RFFL: variants seen among roughly 807,000 people sequenced by gnomAD.
The protein encoded by RFFL is E3 ubiquitin-protein ligase rififylin.
In RFFL, 16 loss-of-function variants were observed where a neutral mutation model predicts 40.4. That is an observed-to-expected ratio of 0.40 (90% CI 0.27 to 0.60). The LOEUF (loss-of-function observed/expected upper bound fraction) is 0.60, where lower values mean the gene tolerates loss of function less well. Among genes scored for constraint, RFFL ranks in the 20% least tolerant of loss-of-function variants. RFFL has a pLI of 0.47. For synonymous variants in RFFL, 154 were observed against 167.9 expected (o/e 0.92, Z 0.64); for missense variants, 367 against 451.7 (o/e 0.81, Z 1.70).
At chr17:35,086,076 A>T (rs973290799) in intron 1 of RFFL, among the ~76,000 whole-genome samples, 29 of 152,322 alleles carry the variant, frequency 1.9e-4, no homozygotes, top group African/African-American at 6.5e-4. Context: ...ATATCCTACT[A>T]AGAGCCAAAT....
At chr17:35,066,606 A>T (rs987015467), upstream of RFFL, among the ~76,000 whole-genome samples, 1 of 152,112 alleles carries the variant, frequency 6.6e-6, no homozygotes, top group Non-Finnish European at 1.5e-5. Context: ...TAAAGTTTGT[A>T]TCACTTACAA....
At chr17:35,064,242 A>C (rs902249733), upstream of RFFL, among the ~76,000 whole-genome samples, 4 of 151,182 alleles carry the variant, frequency 2.6e-5, no homozygotes, top group African/African-American at 9.7e-5. Flanking sequence ...TGACCTCTCT[A>C]TTTCTTCAGA....
chr17:35,049,678 A>G (rs998320878), intron 1 of RFFL, among the ~76,000 whole-genome samples: 2 of 152,256 alleles, frequency 1.3e-5, no homozygotes, highest in Non-Finnish European at 2.9e-5. Context: ...TTGAATTCAA[A>G]GACTAAAAAA....
chr17:35,037,851 A>C (rs958943129), intron 1 of RFFL, among the ~76,000 whole-genome samples: 2 of 152,172 alleles, frequency 1.3e-5, no homozygotes, highest in African/African-American at 4.8e-5. Context: ...TCCTATCATC[A>C]TACAGGTATG....
intron 1 of RFFL, among the ~76,000 whole-genome samples, chr17:35,028,585 CTT>C (rs979172312): frequency 5.9e-5 from 9 of 152,028 alleles, no homozygotes; most frequent in Admixed American, 3.9e-4. Context: ...AGCCTGAACT[CTT>C]TGCTTACAGA....
At chr17:35,039,322 C>T (rs1011252023) in intron 1 of RFFL, among the ~76,000 whole-genome samples, 3 of 152,098 alleles carry the variant, frequency 2.0e-5, no homozygotes, top group South Asian at 2.1e-4. Flanking sequence ...TGGGTTCAAG[C>T]GATTCTCACG....
Position 35,012,093 on chromosome 17 carries a change from G to A in RFFL, c.967C>T (p.Pro323Ser), listed in dbSNP as rs201530895. ...CACTCCAGAAGAACACAGTCAATGG[G>A]TGAGTCCATGCAGATCTTACACAGG... ...ENLCKICMDS[P>S]IDCVLLECGH... Residue 323 changes from proline to serine, a missense_variant, in exon 7 of 7, where the codon CCC becomes TCC. Transcript: ENST00000394597. The A allele has an allele frequency of 6.3e-5, 102 of 1,614,058 alleles. 1 individual carries two copies. The Admixed American group carries it at 1.0e-3, about 16-fold the overall frequency.
chr17:35,020,945 C>T (rs1305483891), intron 3 of RFFL, among the ~76,000 whole-genome samples: 1 of 152,172 alleles, frequency 6.6e-6, no homozygotes, highest in African/African-American at 2.4e-5. Flanking sequence ...CCATATAGCC[C>T]TTTGCTTTCC....
In RFFL at chr17:35,027,363, T is replaced by A. The variant is rs145879584; in HGVS notation, c.-8-802A>T. Among the ~76,000 whole-genome samples the A allele has an allele frequency of 3.3e-3, 504 of 152,328 alleles. 5 individuals are homozygous for A. Among genetic ancestry groups the A allele is most frequent in the African/African-American group, 0.011 (443 of 41,568 alleles). ...TATGTACAGTACTGTTCCCTAGCAC[T>A]GTTGTCCATGTAGAAGCTCAACAAA... On this transcript the variant is annotated intron_variant, in intron 1 of 6. Coordinates refer to ENST00000394597, the MANE Select transcript of RFFL (RefSeq NM_001017368.2).
intron 5 of RFFL, 119 bp from the exon 6 acceptor site, chr17:35,014,882 C>A (rs1276411102): frequency 4.1e-6 from 4 of 985,220 alleles, no homozygotes; most frequent in Non-Finnish European, 6.5e-6. Context: ...CCAGGCTTGC[C>A]AAGAGCCTAG....
intron 1 of RFFL, among the ~76,000 whole-genome samples, chr17:35,040,989 C>T (rs1323769212): frequency 6.6e-6 from 1 of 151,474 alleles, no homozygotes; most frequent in Non-Finnish European, 1.5e-5. Context: ...AAGGATCCTC[C>T]TGCGTCAGGC....
chr17:35,021,915 A>G, intron 2 of RFFL, 134 bp from the exon 3 acceptor site: 2 of 856,650 alleles, frequency 2.3e-6, no homozygotes, highest in South Asian at 3.4e-5. Context: ...GCTCTCTCAT[A>G]TATCTAAGGG....
At chr17:35,062,424 T>G (rs1369869076) in intron 1 of RFFL, among the ~76,000 whole-genome samples, 1 of 151,582 alleles carries the variant, frequency 6.6e-6, no homozygotes, top group Non-Finnish European at 1.5e-5. Context: ...AAAGAGTTGA[T>G]GAGAGGATCA....
At chr17:35,072,111 T>C (rs1017254137) in intron 1 of RFFL, among the ~76,000 whole-genome samples, 3 of 151,978 alleles carry the variant, frequency 2.0e-5, no homozygotes, top group Admixed American at 6.6e-5. Context: ...TGAAACCCTG[T>C]CTATAAAAAA....
upstream of RFFL, among the ~76,000 whole-genome samples, chr17:35,066,497 G>A (rs1247769263): frequency 1.3e-5 from 2 of 152,112 alleles, no homozygotes; most frequent in Non-Finnish European, 2.9e-5. Context: ...AAATAGCTAT[G>A]TTTAGCTTTA....
rs1457239081 is a variant in RFFL, at chr17:35,073,660, C to G, written c.-9+15445G>C. Among the ~76,000 whole-genome samples the G allele has an allele frequency of 2.0e-5, 3 of 152,230 alleles. No individual in the cohort carries two copies. In the East Asian group the frequency reaches 5.8e-4, roughly 30 times the overall value. ...GAAAATGGTATATCACCATTTACTC[C>G]ACTAACATCACTTACAAGATGAGGC... On this transcript the variant is annotated intron_variant, in intron 1 of 6. Transcript: ENST00000315249.
At chr17:35,033,410 C>A (rs945401044) in intron 1 of RFFL, among the ~76,000 whole-genome samples, 1 of 151,840 alleles carries the variant, frequency 6.6e-6, no homozygotes, top group Non-Finnish European at 1.5e-5. Flanking sequence ...CGCCTGTAAT[C>A]CAAGCTACTG....
intron 1 of RFFL, among the ~76,000 whole-genome samples, chr17:35,059,249 C>T (rs2091278860): frequency 6.6e-6 from 1 of 151,948 alleles, no homozygotes; most frequent in Non-Finnish European, 1.5e-5. Flanking sequence ...GAACTCCCGA[C>T]CTCAGGTGAT....
intron 3 of RFFL, among the ~76,000 whole-genome samples, chr17:35,018,413 A>AG (rs2090987978): frequency 6.6e-6 from 1 of 152,230 alleles, no homozygotes; most frequent in Non-Finnish European, 1.5e-5. Context: ...GCCAAAGAGT[A>AG]GGCAGAACTG....
Sources: gnomAD v4.1 joint callset for allele counts (sites outside exome capture counted in the v4.1 genomes callset) on GRCh38, gnomAD v4.1.1 for gene constraint, MANE v1.5 for transcripts, NCBI Gene and HGNC (gene_info 2026-07-23, HGNC 2026-07-21) for gene names.